NEB: variants seen among roughly 807,000 people sequenced by gnomAD.
NEB encodes the protein nebulin.
In NEB, 512 loss-of-function variants were observed where a neutral mutation model predicts 952.2. The observed-to-expected ratio is 0.54, with a 90% CI of 0.50 to 0.58. The LOEUF is 0.58. NEB is among the 20% of genes least tolerant of loss of function. The pLI is 0.00. For synonymous variants in NEB, 2,900 were observed against 3,149.8 expected, an observed-to-expected ratio of 0.92 and a Z score of 2.66; for missense variants, 8,428 against 9,231.1, an observed-to-expected ratio of 0.91 and a Z score of 3.56.
intron 13 of NEB, among the ~76,000 whole-genome samples, chr2:151,698,156 A>G (rs1245560181): frequency 6.6e-6 from 1 of 152,240 alleles, no homozygotes; most frequent in Non-Finnish European, 1.5e-5. Flanking sequence ...CTGTTCTGTT[A>G]GCAATTATTA....
rs1316932271 is a variant in NEB at position 151,665,536 on chromosome 2, G to T, written c.5035C>A (p.Leu1679Met). Residue 1679 changes from leucine to methionine, a missense_variant, in exon 42 of 182, where the codon CTG becomes ATG. Coordinates refer to ENST00000397345, the MANE Select transcript of NEB (RefSeq NM_001164508.2). Reference sequence around the variant, plus strand: ...CAATTGGTGAAGTCAGATTTGTACAGATTCTTTACAATGAGAAAAAAAATT... The same window carrying T: ...CAATTGGTGAAGTCAGATTTGTACATATTCTTTACAATGAGAAAAAAAATT... ...RNAMQIQSDN[L>M]YKSDFTNWMK... is the part of the protein sequence containing the mutation. The T allele has an allele frequency of 6.3e-7, 1 of 1,581,242 alleles. No individual in the cohort carries two copies. The highest frequency in any genetic ancestry group is 2.3e-5 in the East Asian group (1 of 44,306).
chr2:151,512,738 T>A lies in NEB; in HGVS notation c.23341A>T (p.Ser7781Cys), dbSNP rs745794892. The change falls in exon 161 of 182, where the codon AGC becomes TGC. Residue 7781 changes from serine to cysteine, a missense_variant. Physicochemically the swap from Ser to Cys is moderately radical, Grantham distance 112. This residue lies in a region of NEB where 3,374 missense variants were observed against 3,651.5 expected (regional missense o/e 0.92). Transcript: ENST00000397345. Reference protein sequence around the residue: ...IHAQQVKNLSSQKKYKEDAEK... With the variant: ...IHAQQVKNLSCQKKYKEDAEK... ...GGCATGACGAATGTCCTTACCTGGC[T>A]TGAAAGATTCTTGACTTGTTGGGCA... is the stretch of plus-strand genomic sequence containing the variant. 16 of 1,612,672 alleles carry A rather than the reference T, an allele frequency of 9.9e-6. No homozygotes were observed. The South Asian group carries it at 1.8e-4, about 18-fold the overall frequency.
rs1283622768 is a variant in NEB at position 151,568,614 on chromosome 2, T to G, written c.17634+4A>C. 1 of 1,598,988 alleles carries G rather than the reference T, an allele frequency of 6.3e-7. No individual in the cohort carries two copies. The highest frequency in any genetic ancestry group is 8.5e-7 in the Non-Finnish European group (1 of 1,170,552). The stretch of plus-strand genomic sequence containing the variant: ...GTGAGATTTTAAAACAGCCATATAC[T>G]TACATCATCGAGGATCTCGCCACTT... On this transcript the variant is annotated splice_donor_region_variant and intron_variant, in intron 111 of 181. Transcript: ENST00000397345.
intron 37 of NEB, among the ~76,000 whole-genome samples, chr2:151,672,026 A>G (rs1414844840): frequency 6.6e-6 from 1 of 152,158 alleles, no homozygotes; most frequent in African/African-American, 2.4e-5. Context: ...GAAGGATAGA[A>G]AATTCTTCTA....
In NEB at chr2:151,568,647, C is replaced by T. The variant is rs2096518823; in HGVS notation, c.17605G>A (p.Ala5869Thr). 1 of 1,609,694 alleles carries T rather than the reference C, an allele frequency of 6.2e-7. No homozygotes were observed. The highest frequency in any genetic ancestry group is 1.3e-5 in the African/African-American group (1 of 74,894). ...PVDDRVDYVT[A>T]KQSGEILDDI... The stretch of plus-strand genomic sequence containing the variant: ...TCGAGGATCTCGCCACTTTGTTTCG[C>T]TGTCACATAATCAACTCTGTCATCC... The change falls in exon 111 of 182, where the codon GCG (alanine) becomes ACG (threonine). Residue 5869 changes from alanine (A) to threonine (T), a missense_variant. By Grantham distance (58) the Ala-to-Thr change is moderately conservative. Coordinates refer to ENST00000397345, the MANE Select transcript of NEB (RefSeq NM_001164508.2).
intron 105 of NEB, among the ~76,000 whole-genome samples, chr2:151,577,238 G>A (rs934113429): frequency 6.6e-6 from 1 of 152,144 alleles, no homozygotes; most frequent in Non-Finnish European, 1.5e-5. Flanking sequence ...GACTAGAAGG[G>A]ATGAATGGTC....
chr2:151,617,163 G>A (rs2098227874), intron 75 of NEB, among the ~76,000 whole-genome samples: 1 of 152,162 alleles, frequency 6.6e-6, no homozygotes, highest in African/African-American at 2.4e-5. Flanking sequence ...TTCAATTCCT[G>A]ATAACCTGTT....
intron 123 of NEB, 75 bp from the exon 124 acceptor site, chr2:151,560,774 C>G: frequency 1.7e-6 from 2 of 1,159,402 alleles, no homozygotes; most frequent in Non-Finnish European, 2.5e-6. Context: ...GGTTTTCCTT[C>G]TGTGTCTGTC....
rs2148960853 is a variant in NEB, at chr2:151,687,740, A to G, written c.2416-7T>C. On this transcript the variant is annotated splice_polypyrimidine_tract_variant and splice_region_variant and intron_variant, in intron 25 of 181. Transcript: ENST00000397345. Reference sequence around the variant, plus strand: ...AGTCTTGCTTATAAACATTCTGGACAAGAAAAATTCAGCAAAGGAATGATA... The same window carrying G: ...AGTCTTGCTTATAAACATTCTGGACGAGAAAAATTCAGCAAAGGAATGATA... 1 of 1,570,238 alleles carries G rather than the reference A, an allele frequency of 6.4e-7. No homozygotes were observed. Among genetic ancestry groups the G allele is most frequent in the Non-Finnish European group, 8.6e-7 (1 of 1,156,318 alleles).
intron 64 of NEB, among the ~76,000 whole-genome samples, chr2:151,634,983 A>C (rs2098729238): frequency 6.6e-6 from 1 of 152,202 alleles, no homozygotes; most frequent in African/African-American, 2.4e-5. Context: ...CAACTGACCG[A>C]GAAAGTGTAG....
intron 13 of NEB, among the ~76,000 whole-genome samples, chr2:151,700,773 C>A (rs1466066042): frequency 4.1e-4 from 54 of 132,366 alleles, no homozygotes; most frequent in African/African-American, 1.3e-3. Flanking sequence ...GGCTGAGACA[C>A]TGGGGTTTTC....
intron 36 of NEB, 62 bp from the exon 37 acceptor site, chr2:151,672,742 C>G (rs181115077): frequency 7.2e-7 from 1 of 1,389,100 alleles, no homozygotes; most frequent in Non-Finnish European, 9.9e-7. Flanking sequence ...GCTGCAATTA[C>G]ATTCACATAT....
chr2:151,712,168 G>A (rs1030037575), intron 10 of NEB, among the ~76,000 whole-genome samples: 2 of 152,070 alleles, frequency 1.3e-5, no homozygotes, highest in African/African-American at 4.8e-5. Flanking sequence ...GAGAGACATG[G>A]CCCTACCTCT....
intron 167 of NEB, 71 bp from the exon 168 acceptor site, chr2:151,501,554 AC>A: frequency 1.2e-6 from 1 of 808,122 alleles, no homozygotes; most frequent in East Asian, 3.0e-5. Context: ...ACCTAAAAAA[AC>A]AGCCTAAAAG....
intron 38 of NEB, among the ~76,000 whole-genome samples, chr2:151,669,482 T>C (rs1184616205): frequency 6.6e-6 from 1 of 152,184 alleles, no homozygotes; most frequent in Non-Finnish European, 1.5e-5. Flanking sequence ...GGAATCATTG[T>C]AGCAAAGAAA....
intron 47 of NEB, 128 bp from the exon 48 acceptor site, chr2:151,658,218 G>T: frequency 3.2e-6 from 2 of 626,658 alleles, no homozygotes; most frequent in Non-Finnish European, 5.5e-6. Flanking sequence ...TGGTGCTTCA[G>T]TGGCTGAATG....
At chr2:151,628,390 C>T (rs2098571833) in intron 68 of NEB, among the ~76,000 whole-genome samples, 1 of 152,136 alleles carries the variant, frequency 6.6e-6, no homozygotes, top group Non-Finnish European at 1.5e-5. Context: ...TGTTGGAGAT[C>T]AAATTTGACT....
chr2:151,729,739 A>AC, intron 3 of NEB, 83 bp from the exon 4 acceptor site: 2 of 1,371,994 alleles, frequency 1.5e-6, no homozygotes, highest in South Asian at 1.2e-5. Context: ...CACTTAGGTG[A>AC]CTGCACTAGC....
Position 151,643,968 on chromosome 2 carries a change from G to A in NEB, c.7806C>T (p.Ser2602=), listed in dbSNP as rs769573353. ...ACACCACCCCCAGCATGTCCACTGG[G>A]CTGCTGAACTTGGTCTTCCACTTCT... is the stretch of plus-strand genomic sequence containing the variant. ...DFEKWKTKFS[S]PVDMLGVVLA... is the part of the protein sequence containing the mutation. Residue 2602 remains serine (S), a synonymous_variant, in exon 57 of 182, where the codon AGC becomes AGT. Coordinates refer to ENST00000397345, the MANE Select transcript of NEB (RefSeq NM_001164508.2). 1 of 1,613,784 alleles carries A rather than the reference G, an allele frequency of 6.2e-7. No individual in the cohort carries two copies. The highest frequency in any genetic ancestry group is 1.3e-5 in the African/African-American group (1 of 74,892).
Sources: gnomAD v4.1 joint callset for allele counts (sites outside exome capture counted in the v4.1 genomes callset) on GRCh38, gnomAD v4.1.1 for gene constraint, gnomAD v4.1.1 regional missense constraint, MANE v1.5 for transcripts, NCBI Gene and HGNC (gene_info 2026-07-23, HGNC 2026-07-21) for gene names.